Variants in TTC23L observed in about 807,000 individuals in gnomAD.
TTC23L encodes the protein tetratricopeptide repeat domain 23 like.
A neutral mutation model predicts 48.1 loss-of-function variants in TTC23L; 42 were observed. That is an observed-to-expected ratio of 0.87 (90% CI 0.68 to 1.13). TTC23L has a LOEUF of 1.13. TTC23L is among the 50% of genes most tolerant of loss of function. TTC23L has a pLI of 0.00. For missense variants in TTC23L, 391 were observed against 421.0 expected (o/e 0.93, Z 0.62); for synonymous variants, 159 against 157.2 (o/e 1.01, Z -0.09).
chr5:34,860,017 G>C (rs993023267), intron 4 of TTC23L, among the ~76,000 whole-genome samples: 2 of 151,072 alleles, frequency 1.3e-5, no homozygotes, highest in Non-Finnish European at 3.0e-5. Context: ...CTAATTTTTT[G>C]TATTTTTTTT....
intron 3 of TTC23L, among the ~76,000 whole-genome samples, chr5:34,846,576 A>ATAC (rs1554017309): frequency 1.0e-5 from 1 of 98,346 alleles, no homozygotes; most frequent in Non-Finnish European, 1.8e-5. Context: ...AAAAAAAAAA[A>ATAC]ATATATATAT....
intron 4 of TTC23L, among the ~76,000 whole-genome samples, chr5:34,853,814 C>A (rs1312274024): frequency 6.6e-6 from 1 of 152,158 alleles, no homozygotes; most frequent in African/African-American, 2.4e-5. Context: ...CAAGTACACT[C>A]CTTGGGCCCT....
At chr5:34,885,974 GA>G (rs530931808) in intron 9 of TTC23L, among the ~76,000 whole-genome samples, 1 of 151,964 alleles carries the variant, frequency 6.6e-6, no homozygotes, top group Non-Finnish European at 1.5e-5. Flanking sequence ...CTGAAGGTTT[GA>G]AAAAAATTAA....
intron 8 of TTC23L, among the ~76,000 whole-genome samples, chr5:34,870,455 T>C (rs1761376440): frequency 6.6e-6 from 1 of 152,198 alleles, no homozygotes; most frequent in African/African-American, 2.4e-5. Flanking sequence ...TTCTTTTTAA[T>C]AAATTTGTAG....
chr5:34,886,012 T>C (rs1490210600), intron 9 of TTC23L, among the ~76,000 whole-genome samples: 2 of 151,612 alleles, frequency 1.3e-5, no homozygotes, highest in Non-Finnish European at 2.9e-5. Context: ...ACAAAAAGAG[T>C]GAGGGCTGTG....
At chr5:34,915,944 C>A in the TTC23L span, 1 of 1,490,938 alleles carries the variant, frequency 6.7e-7, no homozygotes, top group Non-Finnish European at 8.9e-7. Context: ...CGGCTCTGTG[C>A]GCCTTTTCTT....
chr5:34,912,650 A>G, the TTC23L span, among the ~76,000 whole-genome samples: 1 of 152,198 alleles, frequency 6.6e-6, no homozygotes, highest in Non-Finnish European at 1.5e-5. Flanking sequence ...ACAGCAATTC[A>G]ATTTCACCAT....
intron 7 of TTC23L, chr5:34,868,671 C>G (rs1761230594): frequency 2.5e-6 from 1 of 394,890 alleles, no homozygotes; most frequent in Admixed American, 3.6e-5. Flanking sequence ...TTATTGAGAA[C>G]TTACCACGTG....
chr5:34,856,921 A>T (rs1035007961), intron 4 of TTC23L, among the ~76,000 whole-genome samples: 1 of 152,224 alleles, frequency 6.6e-6, no homozygotes, highest in African/African-American at 2.4e-5. Context: ...AAGGGAAGCA[A>T]TAGGGACCGG....
rs185183005 is a variant in TTC23L at position 34,844,013 on chromosome 5, G to A, written c.69-1474G>A. ...AAAATCACAGTGTACTAGCAGTTTG[G>A]GGGAAATTTTTGAAAGCCCTTTGGA... On this transcript the variant is annotated intron_variant, in intron 2 of 10. Transcript: ENST00000505624. Among the ~76,000 whole-genome samples, 374 of 152,296 alleles carry A rather than the reference G, an allele frequency of 2.5e-3. 1 individual carries two copies. Among genetic ancestry groups the A allele is most frequent in the Non-Finnish European group, 3.8e-3 (258 of 68,030 alleles).
At chr5:34,845,356 C>A in intron 2 of TTC23L, 131 bp from the exon 3 acceptor site, 1 of 966,246 alleles carries the variant, frequency 1.0e-6, no homozygotes, top group Non-Finnish European at 1.5e-6. Context: ...TACTGCCTAG[C>A]TTTATTCCTT....
intron 9 of TTC23L, among the ~76,000 whole-genome samples, chr5:34,882,054 G>A (rs779927595): frequency 7.9e-5 from 12 of 152,074 alleles, no homozygotes; most frequent in Non-Finnish European, 1.6e-4. Context: ...GCACCCGGCC[G>A]GTTCAGAAGA....
chr5:34,917,073 G>A, the TTC23L span, among the ~76,000 whole-genome samples: 2 of 151,988 alleles, frequency 1.3e-5, no homozygotes, highest in Non-Finnish European at 2.9e-5. Context: ...GATTTAGCCC[G>A]TAAGCTGCAT....
At chr5:34,856,367 T>A (rs1760131730) in intron 4 of TTC23L, among the ~76,000 whole-genome samples, 1 of 152,164 alleles carries the variant, frequency 6.6e-6, no homozygotes, top group African/African-American at 2.4e-5. Context: ...CTGCAAATAA[T>A]CCAAAAACCT....
chr5:34,925,240 A>G, the TTC23L span: 1 of 1,591,054 alleles, frequency 6.3e-7, no homozygotes, highest in Non-Finnish European at 8.5e-7. Context: ...GGCGTGTCAT[A>G]AGATCCATCA....
the TTC23L span, chr5:34,909,229 C>T: frequency 4.7e-6 from 7 of 1,475,296 alleles, no homozygotes; most frequent in Non-Finnish European, 5.6e-6. Context: ...TCTTTATCAC[C>T]AATGACAACC....
downstream of TTC23L, among the ~76,000 whole-genome samples, chr5:34,903,187 G>C (rs1444306976): frequency 6.6e-6 from 1 of 152,018 alleles, no homozygotes; most frequent in East Asian, 1.9e-4. Context: ...TCAGTGTAAG[G>C]TTGCCATTGT....
the TTC23L span, chr5:34,911,486 A>G: frequency 6.5e-7 from 1 of 1,541,436 alleles, no homozygotes; most frequent in African/African-American, 1.4e-5. Context: ...TTTGCATCCT[A>G]AGCAAATGTC....
chr5:34,910,458 C>T, the TTC23L span, among the ~76,000 whole-genome samples: 5 of 150,444 alleles, frequency 3.3e-5, no homozygotes, highest in African/African-American at 1.2e-4. Context: ...GACAGATTCT[C>T]ACTCTGTCAC....
Sources: allele counts gnomAD v4.1 joint callset (sites outside exome capture counted in the v4.1 genomes callset), GRCh38; gene constraint gnomAD v4.1.1; transcripts MANE v1.5; gene names NCBI Gene and HGNC (gene_info 2026-07-23, HGNC 2026-07-21).